The following PTPN2 variants were observed in gnomAD, a reference collection of about 807,000 sequenced individuals.
The protein encoded by PTPN2 is tyrosine-protein phosphatase non-receptor type 2.
A neutral mutation model predicts 57.3 loss-of-function variants in PTPN2; 19 were observed. That is an observed-to-expected ratio of 0.33 (90% CI 0.23 to 0.49). PTPN2 has a LOEUF of 0.49. Among genes scored for constraint, PTPN2 ranks in the 20% least tolerant of loss-of-function variants. PTPN2 has a pLI of 0.99. For missense variants in PTPN2, 358 were observed against 501.1 expected (o/e 0.71, Z 2.73); for synonymous variants, 153 against 164.9 (o/e 0.93, Z 0.55).
chr18:12,883,970 G>A, intron 1 of PTPN2, 103 bp downstream of exon 1: 4 of 1,057,912 alleles, frequency 3.8e-6, no homozygotes, highest in South Asian at 1.6e-5. Context: ...CCGAGCGAGA[G>A]GCTAGAGGCG....
chr18:12,868,959 T>G (rs2044091585), intron 1 of PTPN2: 1 of 152,016 alleles, frequency 6.6e-6, no homozygotes, highest in South Asian at 2.1e-4. Context: ...AGACCAGCCT[T>G]GCCAACATGG....
chr18:12,809,072 C>T (rs181167853), intron 7 of PTPN2, among the ~76,000 whole-genome samples: 378 of 152,248 alleles, frequency 2.5e-3, no homozygotes, highest in African/African-American at 8.1e-3. Flanking sequence ...CTATCAGGTA[C>T]GCTAGCAGCT....
chr18:12,870,006 G>A lies in PTPN2; in HGVS notation c.70-10752C>T, dbSNP rs73406774. ...ATATGCCTGCCACTGGCTGGGGAGA[G>A]AAGATCCCTGGTGGAGTAAGTTCTT... On this transcript the variant is annotated intron_variant, in intron 1 of 8. Coordinates refer to ENST00000309660, the MANE Select transcript of PTPN2 (RefSeq NM_002828.4). 8.8e-3 allele frequency among the ~76,000 whole-genome samples: 1,333 copies of A among 152,018 alleles called. 25 individuals carry two copies. The highest frequency in any genetic ancestry group is 0.031 in the African/African-American group (1,290 of 41,432).
rs1168717190 is a variant in PTPN2 at position 12,794,343 on chromosome 18, T to C, written c.1183A>G (p.Met395Val). 6.2e-7 allele frequency: 1 copy of C among 1,614,236 alleles called. No individual in the cohort carries two copies. Among genetic ancestry groups the C allele is most frequent in the Admixed American group, 1.7e-5 (1 of 60,026 alleles). ...AAAGCGCCAACCAAAATGACTGACA[T>C]AAACCCCATCTTAGTGAGAATAGGT... ...WQPILTKMGF[M>V]SVILVGAFVG... Residue 395 changes from methionine to valine, a missense_variant, in exon 9 of 9, where the codon ATG becomes GTG. Coordinates refer to ENST00000309660, the MANE Select transcript of PTPN2 (RefSeq NM_002828.4).
chr18:12,826,993 G>T (rs978640676), intron 4 of PTPN2, among the ~76,000 whole-genome samples: 2 of 152,110 alleles, frequency 1.3e-5, no homozygotes, highest in African/African-American at 4.8e-5. Context: ...AACGTCATGG[G>T]ACATTCACTT....
chr18:12,830,940 C>T lies in PTPN2; in HGVS notation c.360+3G>A. 6.4e-7 allele frequency: 1 copy of T among 1,570,476 alleles called. No homozygotes were observed. The highest frequency in any genetic ancestry group is 1.4e-5 in the African/African-American group (1 of 74,048). On this transcript the variant is annotated splice_donor_region_variant and intron_variant, in intron 4 of 8. Coordinates refer to ENST00000309660, the MANE Select transcript of PTPN2 (RefSeq NM_002828.4). ...TAAGTTGTAAATATTAAATATTACT[C>T]ACCGATTCTTTCTCCACAATGCGGT...
intron 1 of PTPN2, among the ~76,000 whole-genome samples, chr18:12,877,871 C>T (rs911903991): frequency 6.6e-6 from 1 of 151,530 alleles, no homozygotes; most frequent in Non-Finnish European, 1.5e-5. Flanking sequence ...ATTAGCCTGG[C>T]GTGGTGGCGG....
At chr18:12,810,576 G>C (rs1431417016) in intron 7 of PTPN2, among the ~76,000 whole-genome samples, 1 of 152,168 alleles carries the variant, frequency 6.6e-6, no homozygotes, top group East Asian at 1.9e-4. Context: ...TTCCTGAGTA[G>C]CTGGGACTAT....
downstream of PTPN2, among the ~76,000 whole-genome samples, chr18:12,791,580 C>G (rs75591153): frequency 6.6e-6 from 1 of 152,178 alleles, no homozygotes; most frequent in African/African-American, 2.4e-5. Context: ...GGGCACAACA[C>G]GATGTCATGT....
chr18:12,819,169 A>G, intron 5 of PTPN2: 3 of 900,312 alleles, frequency 3.3e-6, no homozygotes, highest in Non-Finnish European at 4.9e-6. Context: ...ATAAGGTATA[A>G]TACTAATAAA....
intron 3 of PTPN2, among the ~76,000 whole-genome samples, chr18:12,832,998 AG>A (rs2042722529): frequency 4.6e-5 from 7 of 152,178 alleles, no homozygotes; most frequent in Admixed American, 4.6e-4. Context: ...CATGTTGGCC[AG>A]GCTGGTCTCA....
chr18:12,799,511 T>C (rs1190976818), intron 8 of PTPN2, among the ~76,000 whole-genome samples: 3 of 152,128 alleles, frequency 2.0e-5, no homozygotes, highest in Non-Finnish European at 4.4e-5. Flanking sequence ...GTATTAAAAA[T>C]TACTGGGACT....
rs561831570 is a variant in PTPN2 at position 12,877,875 on chromosome 18, G to GTGGCGGGCGCCTGTAGTGT, written c.69+6179_69+6197dup. On this transcript the variant is annotated intron_variant, in intron 1 of 8. Coordinates refer to ENST00000309660, the MANE Select transcript of PTPN2 (RefSeq NM_002828.4). Reference sequence around the variant, plus strand: ...AAATACAAAAAATTAGCCTGGCGTGGTGGCGGGCGCCTGTAGTGTTGGCGG... The same window carrying GTGGCGGGCGCCTGTAGTGT: ...AAATACAAAAAATTAGCCTGGCGTGGTGGCGGGCGCCTGTAGTGTTGGCGGGCGCCTGTAGTGTTGGCGG... Among the ~76,000 whole-genome samples, 242 of 152,118 alleles carry GTGGCGGGCGCCTGTAGTGT rather than the reference G, an allele frequency of 1.6e-3. 2 individuals are homozygous for GTGGCGGGCGCCTGTAGTGT. The highest frequency in any genetic ancestry group is 4.9e-3 in the African/African-American group (203 of 41,486).
At chr18:12,864,222 A>C (rs1004268337) in intron 1 of PTPN2, 4 of 151,788 alleles carry the variant, frequency 2.6e-5, no homozygotes, top group African/African-American at 9.7e-5. Context: ...AATTCCACTT[A>C]GCTCCTTAGC....
intron 1 of PTPN2, among the ~76,000 whole-genome samples, chr18:12,865,418 G>T (rs1288483621): frequency 6.7e-6 from 1 of 148,502 alleles, no homozygotes; most frequent in East Asian, 2.0e-4. Context: ...CTGGACAACA[G>T]AGCAAGACTC....
chr18:12,869,290 C>T (rs1385975058), intron 1 of PTPN2, among the ~76,000 whole-genome samples: 1 of 152,192 alleles, frequency 6.6e-6, no homozygotes, highest in Non-Finnish European at 1.5e-5. Flanking sequence ...GATCCCCCCA[C>T]CTCAGCCTCC....
intron 2 of PTPN2, among the ~76,000 whole-genome samples, chr18:12,845,325 C>T (rs1341805269): frequency 6.6e-6 from 1 of 152,082 alleles, no homozygotes; most frequent in Non-Finnish European, 1.5e-5. Flanking sequence ...ACATGGTAGG[C>T]CTTTTTCATT....
At chr18:12,832,145 G>C (rs1005396382) in intron 3 of PTPN2, among the ~76,000 whole-genome samples, 12 of 152,104 alleles carry the variant, frequency 7.9e-5, no homozygotes, top group Non-Finnish European at 1.5e-4. Flanking sequence ...TTTTGAGATG[G>C]TGTCTCTGTC....
At chr18:12,829,855 A>T (rs1158883503) in intron 4 of PTPN2, among the ~76,000 whole-genome samples, 1 of 152,168 alleles carries the variant, frequency 6.6e-6, no homozygotes, top group East Asian at 1.9e-4. Context: ...AAAGAACAAT[A>T]ATCAGACATT....
Sources: gnomAD v4.1 joint callset for allele counts (sites outside exome capture counted in the v4.1 genomes callset) on GRCh38, gnomAD v4.1.1 for gene constraint, MANE v1.5 for transcripts, NCBI Gene and HGNC (gene_info 2026-07-23, HGNC 2026-07-21) for gene names.